RGS7: variants seen among roughly 807,000 people sequenced by gnomAD.
The protein encoded by RGS7 is regulator of G protein signaling 7, also known as regulator of G-protein signaling 7.
A neutral mutation model predicts 81.1 loss-of-function variants in RGS7; 27 were observed. The observed-to-expected ratio is 0.33, with a 90% CI of 0.25 to 0.46. RGS7 has a LOEUF of 0.46. Among genes scored for constraint, RGS7 ranks in the 20% least tolerant of loss-of-function variants. The pLI is 1.00. For missense variants in RGS7, 396 were observed against 607.4 expected, an observed-to-expected ratio of 0.65 and a Z score of 3.66; for synonymous variants, 208 against 207.7, an observed-to-expected ratio of 1.00 and a Z score of -0.01.
chr1:241,047,886 T>C (rs1330435157), intron 3 of RGS7, among the ~76,000 whole-genome samples: 5 of 151,854 alleles, frequency 3.3e-5, no homozygotes, highest in Admixed American at 3.3e-4. Flanking sequence ...ATTACAAGCG[T>C]GCACCACCAC....
At chr1:240,873,772 C>A (rs1379410186) in intron 6 of RGS7, among the ~76,000 whole-genome samples, 6 of 152,166 alleles carry the variant, frequency 3.9e-5, no homozygotes, top group African/African-American at 1.4e-4. Context: ...AGGAATATAT[C>A]ATTCACCAAG....
intron 18 of RGS7, among the ~76,000 whole-genome samples, chr1:240,776,843 C>G (rs975022205): frequency 6.6e-6 from 1 of 152,182 alleles, no homozygotes; most frequent in African/African-American, 2.4e-5. Flanking sequence ...TTGATGTCTT[C>G]CTGTTCTTTC....
chr1:241,305,357 C>T (rs546060923), intron 2 of RGS7, among the ~76,000 whole-genome samples: 13 of 152,200 alleles, frequency 8.5e-5, no homozygotes, highest in East Asian at 1.9e-4. Flanking sequence ...CCCATGCCCT[C>T]GTGGGTTCAG....
intron 2 of RGS7, among the ~76,000 whole-genome samples, chr1:241,340,642 A>G (rs1006419950): frequency 6.6e-6 from 1 of 152,184 alleles, no homozygotes; most frequent in Non-Finnish European, 1.5e-5. Context: ...AAAAGGGTCA[A>G]TTATTGAGGT....
intron 6 of RGS7, among the ~76,000 whole-genome samples, chr1:240,875,198 C>T (rs985101608): frequency 6.6e-6 from 1 of 152,160 alleles, no homozygotes; most frequent in Admixed American, 6.5e-5. Flanking sequence ...GCCCCCACTG[C>T]CCCCAGGCCC....
intron 2 of RGS7, among the ~76,000 whole-genome samples, chr1:241,239,789 A>T (rs920660836): frequency 6.6e-6 from 1 of 152,172 alleles, no homozygotes; most frequent in African/African-American, 2.4e-5. Flanking sequence ...TGGAGAATGG[A>T]CCAGCAATCT....
intron 6 of RGS7, among the ~76,000 whole-genome samples, chr1:240,896,241 C>G (rs1460737240): frequency 6.6e-6 from 1 of 152,142 alleles, no homozygotes; most frequent in African/African-American, 2.4e-5. Context: ...GTTGCCTGTT[C>G]ACTCTGATGG....
chr1:241,260,651 A>C (rs2077281868), intron 2 of RGS7, among the ~76,000 whole-genome samples: 1 of 152,150 alleles, frequency 6.6e-6, no homozygotes, highest in African/African-American at 2.4e-5. Context: ...TATAAGGGTA[A>C]TATTATCTAC....
At chr1:241,075,072 T>C (rs1407870687) in intron 3 of RGS7, among the ~76,000 whole-genome samples, 1 of 152,164 alleles carries the variant, frequency 6.6e-6, no homozygotes, top group Non-Finnish European at 1.5e-5. Context: ...CAATAGCCTC[T>C]ACAGAAAGAG....
At chr1:241,068,238 G>GTGTGTGTGTGTATATATATATATATATA in intron 3 of RGS7, among the ~76,000 whole-genome samples, 3 of 35,674 alleles carry the variant, frequency 8.4e-5, no homozygotes, top group African/African-American at 2.9e-4. Flanking sequence ...GTGTGTGTGT[G>GTGTGTGTGTGTATATATATATATATATA]TATATATATA....
chr1:241,043,350 A>C (rs1432180871), intron 3 of RGS7, among the ~76,000 whole-genome samples: 1 of 151,770 alleles, frequency 6.6e-6, no homozygotes, highest in Non-Finnish European at 1.5e-5. Context: ...GCTAAGGAAA[A>C]AGTCTGGATC....
intron 10 of RGS7, among the ~76,000 whole-genome samples, chr1:240,820,454 C>T (rs967517658): frequency 1.3e-5 from 2 of 151,798 alleles, no homozygotes; most frequent in African/African-American, 4.8e-5. Flanking sequence ...GAAAAATTAT[C>T]CCGTTTTTTT....
intron 10 of RGS7, among the ~76,000 whole-genome samples, 174 bp downstream of exon 10, chr1:240,826,924 C>T (rs575499509): frequency 1.3e-5 from 2 of 152,188 alleles, no homozygotes; most frequent in East Asian, 1.9e-4. Context: ...TGTCTTGGGA[C>T]CCTGGTGTGC....
intron 3 of RGS7, among the ~76,000 whole-genome samples, chr1:241,000,845 C>T (rs1469000322): frequency 7.8e-6 from 1 of 128,186 alleles, no homozygotes. Flanking sequence ...TTAGTAGAAA[C>T]AGTGTTTCAC....
intron 4 of RGS7, among the ~76,000 whole-genome samples, chr1:240,937,212 G>A (rs1370398464): frequency 6.6e-6 from 1 of 152,298 alleles, no homozygotes; most frequent in African/African-American, 2.4e-5. Flanking sequence ...GACTAATAGC[G>A]TTAGGGATAA....
intron 2 of RGS7, among the ~76,000 whole-genome samples, chr1:241,130,096 C>G (rs2066967873): frequency 6.6e-6 from 1 of 152,130 alleles, no homozygotes. Flanking sequence ...GTGCATCCTT[C>G]AGATTGCCAA....
intron 2 of RGS7, among the ~76,000 whole-genome samples, chr1:241,132,003 T>C (rs549745378): frequency 7.9e-4 from 120 of 152,150 alleles, no homozygotes; most frequent in Non-Finnish European, 1.4e-3. Flanking sequence ...AACTGGAAAA[T>C]GTGATGGATT....
intron 3 of RGS7, among the ~76,000 whole-genome samples, chr1:241,060,623 T>C (rs2061692613): frequency 6.6e-6 from 1 of 152,132 alleles, no homozygotes; most frequent in African/African-American, 2.4e-5. Flanking sequence ...TAACTCCACA[T>C]AGTATACTCT....
intron 2 of RGS7, among the ~76,000 whole-genome samples, chr1:241,213,858 A>G (rs773859896): frequency 2.9e-4 from 44 of 152,222 alleles, no homozygotes; most frequent in East Asian, 3.9e-4. Flanking sequence ...TTGACTTCCC[A>G]AGCTTAAGCG....
Sources: allele counts gnomAD v4.1 joint callset (sites outside exome capture counted in the v4.1 genomes callset), GRCh38; gene constraint gnomAD v4.1.1; transcripts MANE v1.5; gene names NCBI Gene and HGNC (gene_info 2026-07-23, HGNC 2026-07-21).